The following STARD8 variants were observed in gnomAD, a reference collection of about 807,000 sequenced individuals.
STARD8 encodes the protein stAR-related lipid transfer protein 8.
STARD8 carries 25 observed loss-of-function variants against 69.4 expected under a neutral mutation model. The observed-to-expected ratio is 0.36, with a 90% CI of 0.26 to 0.50. The LOEUF is 0.50. STARD8 is among the 20% of genes least tolerant of loss of function. The pLI, the probability that STARD8 is intolerant of heterozygous loss-of-function variation, is 0.96. For missense variants in STARD8, 921 were observed against 932.5 expected, an observed-to-expected ratio of 0.99 and a Z score of 0.16; for synonymous variants, 389 against 374.6, an observed-to-expected ratio of 1.04 and a Z score of -0.45.
chrX:68,711,414 A>C lies in STARD8; in HGVS notation c.80-1500A>C, dbSNP rs1235945889. Among the ~76,000 whole-genome samples the C allele has an allele frequency of 2.7e-5, 3 of 111,553 alleles. No individual in the cohort carries two copies. The Admixed American group carries it at 2.8e-4, about 11-fold the overall frequency. Reference sequence around the variant, plus strand: ...CAGATTTGGCTACAGCTACATGTAGAGACAGATGCTGTGGTGGGCACTGAC... The same window carrying C: ...CAGATTTGGCTACAGCTACATGTAGCGACAGATGCTGTGGTGGGCACTGAC... On this transcript the variant is annotated intron_variant, in intron 2 of 14. Transcript: ENST00000374599.
intron 2 of STARD8, among the ~76,000 whole-genome samples, chrX:68,678,323 G>A (rs1464675155): frequency 9.0e-6 from 1 of 111,263 alleles, no homozygotes; most frequent in Non-Finnish European, 1.9e-5. Context: ...CAAAGAGAGG[G>A]AAGAGAGAGG....
chrX:68,648,177 C>T (rs982616461), intron 1 of STARD8, among the ~76,000 whole-genome samples: 2 of 112,303 alleles, frequency 1.8e-5, no homozygotes, highest in Non-Finnish European at 3.8e-5. Context: ...CTGTTGCTTC[C>T]TGGATCTTGC....
At chrX:68,721,933 T>G in intron 10 of STARD8, 114 bp from the exon 11 acceptor site, 1 of 830,025 alleles carries the variant, frequency 1.2e-6, no homozygotes, top group Non-Finnish European at 1.7e-6. Context: ...CAGCAGGTTG[T>G]TTTGTGGCCA....
At chrX:68,677,977 G>A (rs2079777087) in intron 2 of STARD8, among the ~76,000 whole-genome samples, 1 of 110,723 alleles carries the variant, frequency 9.0e-6, no homozygotes, top group African/African-American at 3.3e-5. Context: ...ATAGCATTTA[G>A]TCCAACCTGC....
chrX:68,709,848 A>C (rs966125926), intron 2 of STARD8, among the ~76,000 whole-genome samples: 1 of 110,542 alleles, frequency 9.0e-6, no homozygotes, highest in African/African-American at 3.3e-5. Flanking sequence ...ACCCATAAAC[A>C]TGAAAAATAA....
intron 2 of STARD8, among the ~76,000 whole-genome samples, chrX:68,680,215 C>T (rs1257184119): frequency 8.9e-6 from 1 of 111,868 alleles, no homozygotes; most frequent in East Asian, 2.8e-4. Context: ...AGACAATCTG[C>T]AGGGCCGAGC....
At chrX:68,655,173 G>A (rs2079603523) in intron 1 of STARD8, among the ~76,000 whole-genome samples, 1 of 111,934 alleles carries the variant, frequency 8.9e-6, no homozygotes, top group Admixed American at 9.5e-5. Context: ...GTGATGTGGA[G>A]CTCACCGCTT....
At chrX:68,716,318 C>T in intron 4 of STARD8, 50 bp from the exon 5 acceptor site, 1 of 1,165,843 alleles carries the variant, frequency 8.6e-7, no homozygotes, top group Non-Finnish European at 1.2e-6. Context: ...TAGGCTCTGC[C>T]AGGCTTTGGG....
At chrX:68,698,877 C>T (rs1463627757) in intron 2 of STARD8, among the ~76,000 whole-genome samples, 2 of 111,398 alleles carry the variant, frequency 1.8e-5, no homozygotes, top group Admixed American at 1.9e-4. Context: ...GCAAGTATGC[C>T]TCCCCACTCA....
chrX:68,678,205 G>T (rs1182145687), intron 2 of STARD8, among the ~76,000 whole-genome samples: 1 of 111,369 alleles, frequency 9.0e-6, no homozygotes, highest in African/African-American at 3.3e-5. Flanking sequence ...GAGAAGGGAG[G>T]ATCAATCAGG....
intron 2 of STARD8, among the ~76,000 whole-genome samples, chrX:68,669,102 A>C (rs1206170379): frequency 9.0e-6 from 1 of 111,568 alleles, no homozygotes; most frequent in Non-Finnish European, 1.9e-5. Flanking sequence ...GGCTCCCAGC[A>C]TCACTTCATA....
intron 1 of STARD8, among the ~76,000 whole-genome samples, chrX:68,661,457 T>C (rs1330468029): frequency 8.9e-6 from 1 of 112,062 alleles, no homozygotes; most frequent in Non-Finnish European, 1.9e-5. Flanking sequence ...TATCTCCCAC[T>C]AGACTGAGAG....
intron 2 of STARD8, among the ~76,000 whole-genome samples, chrX:68,702,536 C>T (rs942454309): frequency 3.6e-5 from 4 of 112,086 alleles, no homozygotes; most frequent in African/African-American, 1.3e-4. Flanking sequence ...TACAAAAACC[C>T]TGGTAGATGA....
In STARD8 at chrX:68,724,496, G is replaced by A; in HGVS notation, c.*74G>A. ...AGGGAGCGAGGGGGAATAAGAGCAG[G>A]GCAGCCCCCTGGGTGCCGCTGTCAG... On this transcript the variant is annotated 3_prime_UTR_variant, in exon 15 of 15. Transcript: ENST00000374599. The A allele has an allele frequency of 1.1e-6, 1 of 938,262 alleles. No individual in the cohort carries two copies. The highest frequency in any genetic ancestry group is 1.5e-6 in the Non-Finnish European group (1 of 670,502). 77.3% of individuals were successfully genotyped at this position (938,262 alleles called of 1,213,427 possible). A position where few individuals can be genotyped will look rare whatever the true frequency, so the allele number is the denominator to read the frequency against.
chrX:68,662,548 C>A (rs1356293610), intron 1 of STARD8, among the ~76,000 whole-genome samples: 1 of 111,704 alleles, frequency 9.0e-6, no homozygotes, highest in Non-Finnish European at 1.9e-5. Flanking sequence ...ACTCTGCTCT[C>A]CAGCTAGACC....
chrX:68,661,618 C>T (rs770382667), intron 1 of STARD8, among the ~76,000 whole-genome samples: 347 of 111,297 alleles, frequency 3.1e-3, no homozygotes, highest in Middle Eastern at 9.3e-3. Context: ...AGGAAGATTT[C>T]CCCCCGTATA....
intron 2 of STARD8, among the ~76,000 whole-genome samples, chrX:68,704,077 C>T (rs1436113549): frequency 1.8e-5 from 2 of 111,587 alleles, no homozygotes; most frequent in East Asian, 5.6e-4. Flanking sequence ...CCAGAACATT[C>T]GGTAGCCCTT....
chrX:68,699,527 T>G (rs1281539264), intron 2 of STARD8, among the ~76,000 whole-genome samples: 1 of 111,883 alleles, frequency 8.9e-6, no homozygotes, highest in East Asian at 2.8e-4. Flanking sequence ...CTGCTCTCTC[T>G]GACCTTCAGG....
At chrX:68,723,899 G>A in intron 13 of STARD8, 46 bp from the exon 14 acceptor site, 1 of 1,207,637 alleles carries the variant, frequency 8.3e-7, no homozygotes, top group South Asian at 1.8e-5. Context: ...AAGTGGGGTG[G>A]AAACCAGCAC....
Sources: allele counts gnomAD v4.1 joint callset (sites outside exome capture counted in the v4.1 genomes callset), GRCh38; gene constraint gnomAD v4.1.1; transcripts MANE v1.5; gene names NCBI Gene and HGNC (gene_info 2026-07-23, HGNC 2026-07-21).